SWT1: variants seen among roughly 807,000 people sequenced by gnomAD.
SWT1 encodes the protein transcriptional protein SWT1.
Under a neutral mutation model 107.3 loss-of-function variants are expected in SWT1, and 33 were observed. The observed-to-expected ratio is 0.31, with a 90% confidence interval of 0.23 to 0.41. SWT1 has a LOEUF of 0.41. SWT1 is among the 10% of genes least tolerant of loss of function. SWT1 has a pLI of 1.00. For synonymous variants in SWT1, 345 were observed against 348.3 expected, an observed-to-expected ratio of 0.99 and a Z score of 0.11; for missense variants, 898 against 1,028.9, an observed-to-expected ratio of 0.87 and a Z score of 1.74.
In SWT1 at chr1:185,206,706, G is replaced by C; in HGVS notation, c.1915G>C (p.Val639Leu). 6.2e-7 allele frequency: 1 copy of C among 1,608,862 alleles called. No individual in the cohort carries two copies. The highest frequency in any genetic ancestry group is 8.5e-7 in the Non-Finnish European group (1 of 1,176,798). Residue 639 changes from valine (V) to leucine (L), a missense_variant, in exon 13 of 19, where the codon GTT becomes CTT. By Grantham distance (32) the Val-to-Leu change is conservative. This residue lies in a region of SWT1 where 382 missense variants were observed against 460.0 expected (regional missense o/e 0.83). Transcript: ENST00000367500. ...ACATTGGTTGGCTGTATTTGGATTA[G>C]TTATGGAAAAGAACTTGCTTTTAAC... ...KKHWLAVFGL[V>L]MEKNLLLTIE...
intron 10 of SWT1, among the ~76,000 whole-genome samples, chr1:185,199,707 T>A (rs1657705224): frequency 1.3e-5 from 2 of 152,204 alleles, no homozygotes; most frequent in African/African-American, 4.8e-5. Flanking sequence ...TTGGTGAATG[T>A]GACAATTATG....
chr1:185,192,853 G>T (rs996817253), intron 10 of SWT1, among the ~76,000 whole-genome samples: 2 of 151,892 alleles, frequency 1.3e-5, no homozygotes, highest in Non-Finnish European at 2.9e-5. Flanking sequence ...TCGCCATATC[G>T]GTCAGGCTGG....
intron 16 of SWT1, among the ~76,000 whole-genome samples, chr1:185,270,211 C>G (rs1320739389): frequency 6.7e-6 from 1 of 149,228 alleles, no homozygotes; most frequent in Non-Finnish European, 1.5e-5. Context: ...CACAGCTAGA[C>G]AAAACTCACA....
chr1:185,268,853 CTTTTTTT>C (rs71101966), intron 16 of SWT1, among the ~76,000 whole-genome samples: 5 of 134,562 alleles, frequency 3.7e-5, no homozygotes, highest in Admixed American at 7.6e-5. Flanking sequence ...TTCTTTTTCT[CTTTTTTT>C]TTTTTTTTTT....
Position 185,182,058 on chromosome 1 carries a change from G to T in SWT1, c.1138+1G>T. ...GAAGATGATGTACATTCCTCCTCTG[G>T]TATACCCTATATGTTGATGTGTATG... On this transcript the variant is annotated splice_donor_variant, in intron 7 of 18. Coordinates refer to ENST00000367500, the MANE Select transcript of SWT1 (RefSeq NM_017673.7). LOFTEE classifies it high-confidence loss of function. 6.2e-7 allele frequency: 1 copy of T among 1,613,560 alleles called. No homozygotes were observed. The highest frequency in any genetic ancestry group is 8.5e-7 in the Non-Finnish European group (1 of 1,179,662).
intron 14 of SWT1, among the ~76,000 whole-genome samples, chr1:185,221,040 C>T (rs111558564): frequency 2.0e-4 from 24 of 117,590 alleles, no homozygotes; most frequent in African/African-American, 8.2e-4. Context: ...TGCATGTGTG[C>T]GTGCACACAG....
At position 185,202,542 on chromosome 1, in the gene SWT1, G is replaced by T. The variant is rs982113279; in HGVS notation, c.1524-112G>T. On this transcript the variant is annotated intron_variant, in intron 10 of 18. Transcript: ENST00000367500. The stretch of plus-strand genomic sequence containing the variant: ...AAAAAAGTTGTTATTCTTTCTTAAG[G>T]TATAGGCTGAGAATCACCTGCCTCT... 6.4e-5 allele frequency: 54 copies of T among 849,058 alleles called. 1 individual carries two copies. The Middle Eastern group carries it at 6.6e-3, about 105-fold the overall frequency. The allele number at this position is 849,058 out of a possible 1,614,324, so 52.6% of individuals were successfully genotyped here.
At chr1:185,264,144 G>C (rs1663219499) in intron 16 of SWT1, 1 of 160,770 alleles carries the variant, frequency 6.2e-6, no homozygotes, top group South Asian at 2.0e-4. Context: ...TTACAGACTG[G>C]GTTCTCTACT....
chr1:185,252,091 A>G (rs1330990716), intron 16 of SWT1, among the ~76,000 whole-genome samples: 3 of 152,018 alleles, frequency 2.0e-5, no homozygotes, highest in African/African-American at 7.2e-5. Flanking sequence ...GATGATTTCC[A>G]ATTTCATCCG....
intron 15 of SWT1, among the ~76,000 whole-genome samples, chr1:185,228,822 A>T (rs1185036724): frequency 6.6e-6 from 1 of 152,110 alleles, no homozygotes; most frequent in Non-Finnish European, 1.5e-5. Context: ...GGAGGTGAGG[A>T]TGGGAGCATA....
At position 185,291,484 on chromosome 1, in the gene SWT1, T is replaced by C. The variant is rs888685311; in HGVS notation, c.*681T>C. On this transcript the variant is annotated 3_prime_UTR_variant, in exon 19 of 19. Coordinates refer to ENST00000367500, the MANE Select transcript of SWT1 (RefSeq NM_017673.7). ...CCTTAAATGTGAAGCAAAATAAATTTATATAATGGAATTTGGTGGCAGTGA... is the reference window on the plus strand; with the variant it reads ...CCTTAAATGTGAAGCAAAATAAATTCATATAATGGAATTTGGTGGCAGTGA... The C allele has an allele frequency of 1.3e-5, 2 of 152,572 alleles. No homozygotes were observed. The highest frequency in any genetic ancestry group is 4.8e-5 in the African/African-American group (2 of 41,426). 9.5% of individuals were successfully genotyped at this position (152,572 alleles called of 1,614,324 possible).
At chr1:185,175,999 A>C (rs1558014267) in intron 5 of SWT1, among the ~76,000 whole-genome samples, 3 of 152,212 alleles carry the variant, frequency 2.0e-5, no homozygotes, top group South Asian at 2.1e-4. Context: ...AGAAAGGTAT[A>C]CTGGAGGGGA....
At chr1:185,252,871 G>A (rs1288699020) in intron 16 of SWT1, among the ~76,000 whole-genome samples, 3 of 148,436 alleles carry the variant, frequency 2.0e-5, no homozygotes, top group African/African-American at 5.0e-5. Flanking sequence ...CCTATGTCCT[G>A]AATGGTAATG....
intron 6 of SWT1, among the ~76,000 whole-genome samples, chr1:185,180,779 A>G (rs1655958087): frequency 6.6e-6 from 1 of 152,216 alleles, no homozygotes; most frequent in Admixed American, 6.5e-5. Flanking sequence ...GGACATTAAC[A>G]TGTTTTTACT....
Position 185,237,282 on chromosome 1 carries a change from C to G in SWT1, c.2441+5574C>G, listed in dbSNP as rs113272522. ...TTTATTGCAGCGGTGTTCACAATAG[C>G]AAAGACTTGAAACCAACCCAAATGC... On this transcript the variant is annotated intron_variant, in intron 16 of 18. Transcript: ENST00000367500. 3.3e-5 allele frequency among the ~76,000 whole-genome samples: 5 copies of G among 152,188 alleles called. No homozygotes were observed. The East Asian group carries it at 5.8e-4, about 18-fold the overall frequency.
intron 5 of SWT1, among the ~76,000 whole-genome samples, chr1:185,176,286 CAAAAAAAAAAAAAAAAAA>C (rs71101962): frequency 4.2e-5 from 2 of 47,258 alleles, no homozygotes; most frequent in African/African-American, 2.0e-4. Context: ...ACCTTGTCTC[CAAAAAAAAAAAAAAAAAA>C]AAAAAAAAAA....
intron 3 of SWT1, 139 bp from the exon 4 acceptor site, chr1:185,168,201 G>GGAT (rs1432314938): frequency 2.1e-6 from 1 of 478,330 alleles, no homozygotes; most frequent in Non-Finnish European, 3.4e-6. Flanking sequence ...TGTGAAACGG[G>GGAT]GATGATGATA....
Position 185,160,942 on chromosome 1 carries a change from A to G in SWT1, c.84+17A>G. The G allele has an allele frequency of 6.4e-7, 1 of 1,565,200 alleles. No homozygotes were observed. Among genetic ancestry groups the G allele is most frequent in the Non-Finnish European group, 8.8e-7 (1 of 1,137,590 alleles). ...GGTGAAAAAGTAAGAATTTTGATTT[A>G]CTGACCTAGAGATACATTTCAATTT... On this transcript the variant is annotated intron_variant, in intron 2 of 18. Transcript: ENST00000367500.
At chr1:185,252,106 TG>T (rs1482285040) in intron 16 of SWT1, among the ~76,000 whole-genome samples, 1 of 152,194 alleles carries the variant, frequency 6.6e-6, no homozygotes, top group Non-Finnish European at 1.5e-5. Context: ...CATCCGGACA[TG>T]AACTCATCAT....
Sources: allele counts gnomAD v4.1 joint callset (sites outside exome capture counted in the v4.1 genomes callset), GRCh38; gene constraint gnomAD v4.1.1; regional missense constraint gnomAD v4.1.1; transcripts MANE v1.5; gene names NCBI Gene and HGNC (gene_info 2026-07-23, HGNC 2026-07-21).